GLIS2: variants seen among roughly 807,000 people sequenced by gnomAD.
GLIS2 encodes zinc finger protein GLIS2.
In GLIS2, 14 loss-of-function variants were observed where a neutral mutation model predicts 35.6. The ratio of observed to expected loss-of-function variants is 0.39; its 90% CI spans 0.26 to 0.61. The LOEUF is 0.61. GLIS2 is among the 20% of genes least tolerant of loss of function. The pLI is 0.48. For missense variants in GLIS2, 675 were observed against 713.4 expected (o/e 0.95, Z 0.61); for synonymous variants, 368 against 325.1 (o/e 1.13, Z -1.42).
intron 1 of GLIS2, among the ~76,000 whole-genome samples, chr16:4,317,088 T>C (rs1318137883): frequency 2.6e-5 from 4 of 152,126 alleles, no homozygotes; most frequent in Non-Finnish European, 5.9e-5. Flanking sequence ...GTGCAGCCTG[T>C]CTGCCTGTCC....
In GLIS2 at chr16:4,327,159, G is replaced by A. The variant is rs190193562; in HGVS notation, c.-66-5056G>A. Among the ~76,000 whole-genome samples, 30 of 152,314 alleles carry A rather than the reference G, an allele frequency of 2.0e-4. No homozygotes were observed. In the East Asian group the frequency reaches 5.6e-3, roughly 28 times the overall value. ...TTCTCCTGCCTCGGCCTCCCAATGTGCTGGGCTTACAGGCGTCAGCCACCG... is the reference window on the plus strand; with the variant it reads ...TTCTCCTGCCTCGGCCTCCCAATGTACTGGGCTTACAGGCGTCAGCCACCG... On this transcript the variant is annotated intron_variant, in intron 1 of 6. Transcript: ENST00000433375.
Position 4,337,535 on chromosome 16 carries a change from C to A in GLIS2, c.*11C>A. On this transcript the variant is annotated 3_prime_UTR_variant, in exon 7 of 7. Coordinates refer to ENST00000433375, the MANE Select transcript of GLIS2 (RefSeq NM_032575.3). Reference sequence around the variant, plus strand: ...GCTGTGGTGAACTGAGCCCATCCTGCGGACAGTTGTGGTGCCCCCCCGGCA... The same window carrying A: ...GCTGTGGTGAACTGAGCCCATCCTGAGGACAGTTGTGGTGCCCCCCCGGCA... 1.9e-6 allele frequency: 3 copies of A among 1,550,418 alleles called. No individual in the cohort carries two copies. The highest frequency in any genetic ancestry group is 2.6e-6 in the Non-Finnish European group (3 of 1,153,436).
At chr16:4,322,480 C>T (rs1372856601) in intron 1 of GLIS2, among the ~76,000 whole-genome samples, 1 of 152,138 alleles carries the variant, frequency 6.6e-6, no homozygotes, top group Non-Finnish European at 1.5e-5. Context: ...GGCATCCATT[C>T]GCGGGGTCAT....
In GLIS2 at chr16:4,334,934, C is replaced by G. The variant is rs747387534; in HGVS notation, c.479C>G (p.Pro160Arg). The G allele has an allele frequency of 1.8e-5, 29 of 1,613,172 alleles. No individual in the cohort carries two copies. The highest frequency in any genetic ancestry group is 2.5e-5 in the Non-Finnish European group (29 of 1,180,030). The change falls in exon 4 of 7, where the codon CCA becomes CGA. Residue 160 changes from proline to arginine, a missense_variant. By Grantham distance (103) the Pro-to-Arg change is moderately radical. This residue lies in a region of GLIS2 where 225 missense variants were observed against 238.7 expected (regional missense o/e 0.94). Coordinates refer to ENST00000433375, the MANE Select transcript of GLIS2 (RefSeq NM_032575.3). ...LTPPKDKCLS[P>R]DLPLPKQLVC... ...CCTCCCAAGGACAAGTGCCTCTCGC[C>G]AGACCTGCCCCTGCCCAAGCAGCTG...
chr16:4,324,086 T>G (rs1470405050), intron 1 of GLIS2, among the ~76,000 whole-genome samples: 1 of 152,086 alleles, frequency 6.6e-6, no homozygotes, highest in African/African-American at 2.4e-5. Context: ...AGGGCAGAGG[T>G]CAGCCCTGGC....
rs1342232097 is a variant in GLIS2 at position 4,336,930 on chromosome 16, GCTC to G, written c.984_986del (p.Leu329del). The G allele has an allele frequency of 6.2e-7, 1 of 1,612,218 alleles. No homozygotes were observed. The highest frequency in any genetic ancestry group is 1.3e-5 in the African/African-American group (1 of 74,928). On this transcript the variant is annotated inframe_deletion, in exon 7 of 7. Transcript: ENST00000433375. ...ACTTTGTGTCCCACGAGCAGCAAGA[GCTC>G]CTGCAGCTGCGCCCACCCCCCAAGC...
intron 1 of GLIS2, among the ~76,000 whole-genome samples, chr16:4,322,530 C>T (rs905497401): frequency 1.3e-5 from 2 of 152,134 alleles, no homozygotes; most frequent in Admixed American, 6.5e-5. Flanking sequence ...GCTGACCGGG[C>T]GCCGACCCGC....
rs1403872858 is a variant in GLIS2, at chr16:4,337,161, C to G, written c.1212C>G (p.Gly404=). 1 of 1,540,252 alleles carries G rather than the reference C, an allele frequency of 6.5e-7. No individual in the cohort carries two copies. Among genetic ancestry groups the G allele is most frequent in the African/African-American group, 1.4e-5 (1 of 73,002 alleles). Residue 404 remains glycine, a synonymous_variant, in exon 7 of 7, where the codon GGC becomes GGG. Transcript: ENST00000433375. ...GGGGCATGGGCCCTGGGCTGCCAGG[C>G]CCCGTCCTGCCTCTCAATCTGGCCA... ...GGGGMGPGLP[G]PVLPLNLAKN...
Position 4,338,108 on chromosome 16 carries a change from C to T in GLIS2, c.*584C>T, listed in dbSNP as rs1366495008. 1 of 165,544 alleles carries T rather than the reference C, an allele frequency of 6.0e-6. No individual in the cohort carries two copies. Among genetic ancestry groups the T allele is most frequent in the African/African-American group, 2.4e-5 (1 of 41,590 alleles). The allele number at this position is 165,544 out of a possible 1,614,324, so 10.3% of individuals were successfully genotyped here. A position where few individuals can be genotyped will look rare whatever the true frequency, so the allele number is the denominator to read the frequency against. ...AAGCCCCAGGTAGAAGCATGCCCCC[C>T]AGGACAAGGCGCCTCCCACTAGTTA... is the stretch of plus-strand genomic sequence containing the variant. On this transcript the variant is annotated 3_prime_UTR_variant, in exon 7 of 7. Transcript: ENST00000433375.
intron 1 of GLIS2, among the ~76,000 whole-genome samples, chr16:4,322,851 C>T (rs373304641): frequency 1.3e-5 from 2 of 152,208 alleles, no homozygotes; most frequent in East Asian, 3.9e-4. Context: ...GCGTGGGCCA[C>T]GGGCCTGCCC....
chr16:4,334,047 A>T (rs2053524347), intron 3 of GLIS2, among the ~76,000 whole-genome samples: 1 of 152,028 alleles, frequency 6.6e-6, no homozygotes, highest in Non-Finnish European at 1.5e-5. Context: ...GGTTCAAGCG[A>T]TTCTCCTGCC....
chr16:4,333,327 G>C lies in GLIS2; in HGVS notation c.173-20G>C. 6.2e-7 allele frequency: 1 copy of C among 1,612,478 alleles called. No individual in the cohort carries two copies. The highest frequency in any genetic ancestry group is 1.7e-4 in the Middle Eastern group (1 of 6,060). ...GGGACTCTACACTCCAGCACACCCT[G>C]AACTGTGCCTCTCCCTCAGGCTTCC... is the stretch of plus-strand genomic sequence containing the variant. On this transcript the variant is annotated intron_variant, in intron 2 of 6. Coordinates refer to ENST00000433375, the MANE Select transcript of GLIS2 (RefSeq NM_032575.3).
rs59643292 is a variant in GLIS2 at position 4,318,478 on chromosome 16, C to T, written c.-67+2224C>T. 2.1e-3 allele frequency among the ~76,000 whole-genome samples: 320 copies of T among 152,346 alleles called. 3 individuals carry two copies. The highest frequency in any genetic ancestry group is 7.0e-3 in the African/African-American group (290 of 41,582). ...ATCCCAAAACCTCATTGCAAACAAT[C>T]GTGTGAACCGCGTCCCCCCAAAGCT... On this transcript the variant is annotated intron_variant, in intron 1 of 6. Coordinates refer to ENST00000433375, the MANE Select transcript of GLIS2 (RefSeq NM_032575.3).
chr16:4,327,864 C>A (rs1353049098), intron 1 of GLIS2, among the ~76,000 whole-genome samples: 1 of 152,160 alleles, frequency 6.6e-6, no homozygotes, highest in South Asian at 2.1e-4. Context: ...GCGCAGCGGC[C>A]GGTTCCGCGG....
chr16:4,337,555 C>T lies in GLIS2; in HGVS notation c.*31C>T. 6.5e-7 allele frequency: 1 copy of T among 1,540,092 alleles called. No individual in the cohort carries two copies. Among genetic ancestry groups the T allele is most frequent in the Non-Finnish European group, 8.7e-7 (1 of 1,148,472 alleles). The stretch of plus-strand genomic sequence containing the variant: ...TCCTGCGGACAGTTGTGGTGCCCCC[C>T]CGGCAGCTCCCGGCACTGCCCCCGA... On this transcript the variant is annotated 3_prime_UTR_variant, in exon 7 of 7. Coordinates refer to ENST00000433375, the MANE Select transcript of GLIS2 (RefSeq NM_032575.3).
In GLIS2 at chr16:4,334,875, G is replaced by A. The variant is rs1476299162; in HGVS notation, c.420G>A (p.Gly140=). 1.9e-6 allele frequency: 3 copies of A among 1,613,136 alleles called. No homozygotes were observed. The highest frequency in any genetic ancestry group is 1.7e-5 in the Admixed American group (1 of 59,998). Reference sequence around the variant, plus strand: ...TCTTCCTGCCCCTCGGCTCCGGGGGGGCCCTGCACCTGCCTGCCTCCTCCT... The same window carrying A: ...TCTTCCTGCCCCTCGGCTCCGGGGGAGCCCTGCACCTGCCTGCCTCCTCCT... ...FQFFLPLGSG[G]ALHLPASSFL... is the part of the protein sequence containing the mutation. Residue 140 remains glycine, a synonymous_variant, in exon 4 of 7, where the codon GGG becomes GGA. Transcript: ENST00000433375.
chr16:4,336,968 C>G lies in GLIS2; in HGVS notation c.1019C>G (p.Pro340Arg). ...QLRPPPKPPL[P>R]APDGGPYVSG... Reference sequence around the variant, plus strand: ...CGCCCACCCCCCAAGCCGCCACTGCCCGCCCCCGACGGCGGCCCCTATGTC... The same window carrying G: ...CGCCCACCCCCCAAGCCGCCACTGCGCGCCCCCGACGGCGGCCCCTATGTC... The change falls in exon 7 of 7, where the codon CCC (proline) becomes CGC (arginine). Residue 340 changes from proline (P) to arginine (R), a missense_variant. This residue lies in a region of GLIS2 where 317 missense variants were observed against 283.2 expected (regional missense o/e 1.12). Coordinates refer to ENST00000433375, the MANE Select transcript of GLIS2 (RefSeq NM_032575.3). 6.2e-7 allele frequency: 1 copy of G among 1,610,656 alleles called. No homozygotes were observed. Among genetic ancestry groups the G allele is most frequent in the Admixed American group, 1.7e-5 (1 of 59,850 alleles).
intron 1 of GLIS2, among the ~76,000 whole-genome samples, chr16:4,328,061 C>CG (rs1279129053): frequency 1.3e-5 from 2 of 152,176 alleles, no homozygotes; most frequent in African/African-American, 4.8e-5. Flanking sequence ...CACCAGGAGG[C>CG]GCAGAGGGGC....
At position 4,338,516 on chromosome 16, in the gene GLIS2, C is replaced by G. The variant is rs1379097542; in HGVS notation, c.*992C>G. The G allele has an allele frequency of 1.3e-5, 2 of 152,720 alleles. No homozygotes were observed. Among genetic ancestry groups the G allele is most frequent in the African/African-American group, 4.8e-5 (2 of 41,460 alleles). 9.5% of individuals were successfully genotyped at this position (152,720 alleles called of 1,614,324 possible). Reference sequence around the variant, plus strand: ...ACCGACCACAGGCTGGGACACAGCTCCTGGTCTGGGGGCTCCAAGTGACAG... The same window carrying G: ...ACCGACCACAGGCTGGGACACAGCTGCTGGTCTGGGGGCTCCAAGTGACAG... On this transcript the variant is annotated 3_prime_UTR_variant, in exon 7 of 7. Transcript: ENST00000433375.
Sources: gnomAD v4.1 joint callset for allele counts (sites outside exome capture counted in the v4.1 genomes callset) on GRCh38, gnomAD v4.1.1 for gene constraint, gnomAD v4.1.1 regional missense constraint, MANE v1.5 for transcripts, NCBI Gene and HGNC (gene_info 2026-07-23, HGNC 2026-07-21) for gene names.